SLC44A5: variants seen among roughly 807,000 people sequenced by gnomAD.
The protein encoded by SLC44A5 is choline transporter-like protein 5.
In SLC44A5, 57 loss-of-function variants were observed where a neutral mutation model predicts 101.8. The ratio of observed to expected loss-of-function variants is 0.56; its 90% CI spans 0.45 to 0.70. The LOEUF (loss-of-function observed/expected upper bound fraction) is 0.70. Ranked by LOEUF, SLC44A5 falls within the 30% of genes least tolerant of loss-of-function variation. The pLI, the probability that SLC44A5 is intolerant of heterozygous loss-of-function variation, is 0.00. For synonymous variants in SLC44A5, 281 were observed against 290.9 expected (o/e 0.97, Z 0.35); for missense variants, 737 against 853.1 (o/e 0.86, Z 1.70).
At chr1:75,306,177 C>T (rs1264147884) in intron 4 of SLC44A5, among the ~76,000 whole-genome samples, 2 of 152,192 alleles carry the variant, frequency 1.3e-5, no homozygotes, top group Non-Finnish European at 1.5e-5. Context: ...TCTTTTGCTA[C>T]AATGGCTTAG....
At chr1:75,356,615 T>TAA (rs1327313213) in intron 3 of SLC44A5, among the ~76,000 whole-genome samples, 10 of 152,110 alleles carry the variant, frequency 6.6e-5, no homozygotes, top group Middle Eastern at 3.2e-3. Flanking sequence ...AAATTTAGTG[T>TAA]AAACTAAATA....
At chr1:75,464,337 T>A (rs1205491223) in intron 2 of SLC44A5, among the ~76,000 whole-genome samples, 1 of 151,690 alleles carries the variant, frequency 6.6e-6, no homozygotes, top group Non-Finnish European at 1.5e-5. Flanking sequence ...TATGAAACAG[T>A]GTTGGTATCA....
At chr1:75,283,311 T>G (rs1239825138) in intron 5 of SLC44A5, among the ~76,000 whole-genome samples, 1 of 152,196 alleles carries the variant, frequency 6.6e-6, no homozygotes, top group East Asian at 1.9e-4. Context: ...GAGAATTGTC[T>G]ATTCATGTCC....
Position 75,442,784 on chromosome 1 carries a change from T to G in SLC44A5, c.14-46163A>C, listed in dbSNP as rs911000783. Among the ~76,000 whole-genome samples, 3 of 152,138 alleles carry G rather than the reference T, an allele frequency of 2.0e-5. No individual in the cohort carries two copies. In the East Asian group the frequency reaches 5.8e-4, roughly 29 times the overall value. ...AACCCTATTGCAATAATCCCCTTCT[T>G]GAATAAAGTTTCTTGACCATCTTTA... On this transcript the variant is annotated intron_variant, in intron 2 of 23. Coordinates refer to ENST00000370859, the MANE Select transcript of SLC44A5 (RefSeq NM_001130058.2).
the SLC44A5 span, among the ~76,000 whole-genome samples, chr1:75,657,174 A>C: frequency 5.9e-5 from 9 of 152,106 alleles, no homozygotes; most frequent in East Asian, 7.7e-4. Context: ...AAGACATAGA[A>C]TGACTTAATA....
chr1:75,344,588 C>A (rs763603964), intron 3 of SLC44A5, among the ~76,000 whole-genome samples: 7 of 151,994 alleles, frequency 4.6e-5, no homozygotes, highest in Non-Finnish European at 8.8e-5. Flanking sequence ...GGAAATGTGA[C>A]AACAGAAACA....
At chr1:75,290,697 C>A (rs1201049658) in intron 5 of SLC44A5, among the ~76,000 whole-genome samples, 1 of 152,066 alleles carries the variant, frequency 6.6e-6, no homozygotes, top group Non-Finnish European at 1.5e-5. Context: ...CCCATAAATG[C>A]CAGATTCCCA....
At chr1:75,319,221 T>C (rs1655951026) in intron 4 of SLC44A5, among the ~76,000 whole-genome samples, 1 of 152,152 alleles carries the variant, frequency 6.6e-6, no homozygotes, top group Admixed American at 6.6e-5. Context: ...CAATCTTTCC[T>C]TCCTTTCCCT....
chr1:75,269,229 C>A, intron 6 of SLC44A5, among the ~76,000 whole-genome samples: 1 of 151,678 alleles, frequency 6.6e-6, no homozygotes, highest in East Asian at 1.9e-4. Flanking sequence ...ATATTATTTC[C>A]TGTTTATGAC....
chr1:75,359,411 T>A (rs1659328377), intron 3 of SLC44A5, among the ~76,000 whole-genome samples: 1 of 150,528 alleles, frequency 6.6e-6, no homozygotes, highest in Non-Finnish European at 1.5e-5. Context: ...TTTTTGTATT[T>A]TTTTTTTTTT....
chr1:75,469,959 A>T (rs951079630), intron 2 of SLC44A5, among the ~76,000 whole-genome samples: 1 of 151,876 alleles, frequency 6.6e-6, no homozygotes, highest in Non-Finnish European at 1.5e-5. Flanking sequence ...CATAATAAAA[A>T]ATTGCAGTTC....
At chr1:75,215,375 T>A (rs1387002692) in intron 19 of SLC44A5, among the ~76,000 whole-genome samples, 1 of 152,134 alleles carries the variant, frequency 6.6e-6, no homozygotes, top group Non-Finnish European at 1.5e-5. Flanking sequence ...ATAAGACCCT[T>A]CTTTAAAATT....
intron 4 of SLC44A5, among the ~76,000 whole-genome samples, chr1:75,310,410 T>C (rs1655208610): frequency 6.6e-6 from 1 of 152,168 alleles, no homozygotes. Flanking sequence ...AGAGTCTTTG[T>C]TTTTTTATTT....
At chr1:75,388,255 A>T (rs1223775739) in intron 3 of SLC44A5, among the ~76,000 whole-genome samples, 3 of 146,004 alleles carry the variant, frequency 2.1e-5, no homozygotes, top group African/African-American at 5.1e-5. Context: ...AACAGTATTA[A>T]AAAAAAAAAA....
At chr1:75,365,598 C>T (rs188392720) in intron 3 of SLC44A5, among the ~76,000 whole-genome samples, 132 of 152,118 alleles carry the variant, frequency 8.7e-4, no homozygotes, top group African/African-American at 1.9e-3. Flanking sequence ...TTATGTTCAT[C>T]GCAGCACTAT....
intron 1 of SLC44A5, among the ~76,000 whole-genome samples, chr1:75,582,726 G>T (rs965335119): frequency 6.6e-6 from 1 of 152,188 alleles, no homozygotes; most frequent in African/African-American, 2.4e-5. Flanking sequence ...AAGTCTGAAG[G>T]TATCAAGGAA....
At chr1:75,547,578 G>C (rs1671718568) in intron 1 of SLC44A5, among the ~76,000 whole-genome samples, 3 of 152,112 alleles carry the variant, frequency 2.0e-5, no homozygotes, top group Admixed American at 2.0e-4. Context: ...ACAGTTTTTG[G>C]GGATGCTCAA....
At chr1:75,695,862 C>T in the SLC44A5 span, among the ~76,000 whole-genome samples, 21 of 149,138 alleles carry the variant, frequency 1.4e-4, no homozygotes, top group Non-Finnish European at 2.7e-4. Context: ...TATATATAAA[C>T]CTGATACTGA....
the SLC44A5 span, among the ~76,000 whole-genome samples, chr1:75,634,786 T>A: frequency 6.6e-6 from 1 of 151,844 alleles, no homozygotes; most frequent in Non-Finnish European, 1.5e-5. Flanking sequence ...CCAAAAGCAA[T>A]GGCAACAAAA....
Sources: allele counts gnomAD v4.1 joint callset (sites outside exome capture counted in the v4.1 genomes callset), GRCh38; gene constraint gnomAD v4.1.1; transcripts MANE v1.5; gene names NCBI Gene and HGNC (gene_info 2026-07-23, HGNC 2026-07-21).